The following NMNAT2 variants were observed in gnomAD, a reference collection of about 807,000 sequenced individuals.
NMNAT2 encodes the protein nicotinamide nucleotide adenylyltransferase 2, also known as nicotinamide/nicotinic acid mononucleotide adenylyltransferase 2.
Under a neutral mutation model 41.6 loss-of-function variants are expected in NMNAT2, and 11 were observed. The observed-to-expected ratio is 0.26, with a 90% confidence interval of 0.17 to 0.44. The LOEUF (loss-of-function observed/expected upper bound fraction) is 0.44. Ranked by LOEUF, NMNAT2 falls within the 20% of genes least tolerant of loss-of-function variation. The probability of loss-of-function intolerance (pLI) is 1.00; values close to 1 mark genes in which losing one functional copy is unlikely to be tolerated. For missense variants in NMNAT2, 288 were observed against 407.7 expected, an observed-to-expected ratio of 0.71 and a Z score of 2.53; for synonymous variants, 148 against 151.2, an observed-to-expected ratio of 0.98 and a Z score of 0.16.
chr1:183,349,686 G>T (rs1370552464), intron 1 of NMNAT2, among the ~76,000 whole-genome samples: 1 of 152,236 alleles, frequency 6.6e-6, no homozygotes. Flanking sequence ...GGTGGCCTGG[G>T]CCCAGAAGGT....
intron 1 of NMNAT2, among the ~76,000 whole-genome samples, chr1:183,300,712 T>C (rs1474287278): frequency 6.6e-6 from 1 of 152,270 alleles, no homozygotes; most frequent in Non-Finnish European, 1.5e-5. Context: ...ATGTTCATGA[T>C]AAATTATAGA....
At chr1:183,316,663 G>T (rs1284189267) in intron 1 of NMNAT2, among the ~76,000 whole-genome samples, 2 of 152,182 alleles carry the variant, frequency 1.3e-5, no homozygotes, top group African/African-American at 4.8e-5. Flanking sequence ...CAGGCACTGT[G>T]TCTCATCCAG....
chr1:183,295,417 T>C (rs1156791429), intron 1 of NMNAT2, among the ~76,000 whole-genome samples: 4 of 152,218 alleles, frequency 2.6e-5, no homozygotes, highest in Non-Finnish European at 5.9e-5. Context: ...GACTTCCATA[T>C]ATTCAGACCC....
At chr1:183,282,441 C>T (rs377246378) in intron 7 of NMNAT2, among the ~76,000 whole-genome samples, 7 of 152,366 alleles carry the variant, frequency 4.6e-5, no homozygotes, top group African/African-American at 1.7e-4. Flanking sequence ...CTGGAGGGGA[C>T]TCCTTGAGTC....
chr1:183,359,900 AC>A (rs1294817731), intron 1 of NMNAT2, among the ~76,000 whole-genome samples: 1 of 152,194 alleles, frequency 6.6e-6, no homozygotes, highest in Non-Finnish European at 1.5e-5. Flanking sequence ...ATTTTTTCTC[AC>A]AGCATTTTAG....
intron 1 of NMNAT2, among the ~76,000 whole-genome samples, chr1:183,379,047 A>AATATCTATATCTATATCTATATCT (rs71127348): frequency 4.9e-4 from 69 of 139,842 alleles, no homozygotes; most frequent in African/African-American, 1.3e-3. Context: ...TGTCTCAAAA[A>AATATCTATATCTATATCTATATCT]ATATCTATAT....
In NMNAT2 at chr1:183,383,510, C is replaced by A. The variant is rs548742257; in HGVS notation, c.85+34673G>T. Among the ~76,000 whole-genome samples, 196 of 152,340 alleles carry A rather than the reference C, an allele frequency of 1.3e-3. 8 individuals are homozygous for A. The South Asian group carries it at 0.04, about 31-fold the overall frequency. ...TTTTCTAAACTTTTATGCTTTGCTTCCCTTTTAAACATAAATTCCAGTTTC... is the reference window on the plus strand; with the variant it reads ...TTTTCTAAACTTTTATGCTTTGCTTACCTTTTAAACATAAATTCCAGTTTC... On this transcript the variant is annotated intron_variant, in intron 1 of 10. Coordinates refer to ENST00000287713, the MANE Select transcript of NMNAT2 (RefSeq NM_015039.4).
intron 1 of NMNAT2, among the ~76,000 whole-genome samples, chr1:183,305,992 G>A (rs927411747): frequency 6.6e-6 from 1 of 152,122 alleles, no homozygotes; most frequent in Non-Finnish European, 1.5e-5. Flanking sequence ...AAAGTGCTGG[G>A]ATTATAGGTG....
chr1:183,369,554 G>A (rs539904542), intron 1 of NMNAT2, among the ~76,000 whole-genome samples: 11 of 152,190 alleles, frequency 7.2e-5, no homozygotes, highest in African/African-American at 2.4e-4. Context: ...TGGGATTATG[G>A]TCATGAGCTA....
chr1:183,349,982 C>T (rs1330301035), intron 1 of NMNAT2, among the ~76,000 whole-genome samples: 1 of 152,178 alleles, frequency 6.6e-6, no homozygotes, highest in Non-Finnish European at 1.5e-5. Flanking sequence ...GTCTGAGGCT[C>T]CAGAGTTAGG....
intron 10 of NMNAT2, among the ~76,000 whole-genome samples, chr1:183,253,405 C>G (rs1660442495): frequency 6.6e-6 from 1 of 151,054 alleles, no homozygotes; most frequent in Non-Finnish European, 1.5e-5. Flanking sequence ...TATCCATCAT[C>G]TCACTCAGAT....
chr1:183,283,807 G>A (rs1412213575), intron 7 of NMNAT2, 188 bp downstream of exon 7: 1 of 656,848 alleles, frequency 1.5e-6, no homozygotes, highest in Non-Finnish European at 2.8e-6. Context: ...CTGGAGTCCA[G>A]TTAAGAGATG....
At position 183,295,317 on chromosome 1, in the gene NMNAT2, A is replaced by G. The variant is rs142860814; in HGVS notation, c.86-1524T>C. Among the ~76,000 whole-genome samples the G allele has an allele frequency of 9.9e-4, 150 of 152,060 alleles. No individual in the cohort carries two copies. In the East Asian group the frequency reaches 0.022, roughly 22 times the overall value. Reference sequence around the variant, plus strand: ...GCACTTGGCTGCTTCTTTTTCTTTCAATGTGAAATTTCTTAGATTAAAAAA... The same window carrying G: ...GCACTTGGCTGCTTCTTTTTCTTTCGATGTGAAATTTCTTAGATTAAAAAA... On this transcript the variant is annotated intron_variant, in intron 1 of 10. Transcript: ENST00000287713.
At chr1:183,297,047 C>T (rs4652795) in intron 1 of NMNAT2, among the ~76,000 whole-genome samples, 82,726 of 150,260 alleles carry the variant, frequency 0.55, 24,094 homozygotes, top group Non-Finnish European at 0.64. Context: ...TCTCCCTGTC[C>T]TCCAAATAGT....
intron 8 of NMNAT2, among the ~76,000 whole-genome samples, chr1:183,266,212 G>A (rs1660809917): frequency 1.3e-5 from 2 of 152,178 alleles, no homozygotes; most frequent in Non-Finnish European, 2.9e-5. Context: ...GCAGAACTAG[G>A]AAACTAGTTC....
At chr1:183,288,015 T>G (rs914743210) in intron 4 of NMNAT2, among the ~76,000 whole-genome samples, 4 of 152,168 alleles carry the variant, frequency 2.6e-5, no homozygotes. Flanking sequence ...TTTTCACCTC[T>G]TGGTGGGATT....
At chr1:183,381,744 A>G (rs1303354469) in intron 1 of NMNAT2, among the ~76,000 whole-genome samples, 10 of 152,218 alleles carry the variant, frequency 6.6e-5, no homozygotes. Context: ...ATGATAACTA[A>G]TACCTAAAAT....
At chr1:183,387,342 G>T (rs1019803916) in intron 1 of NMNAT2, among the ~76,000 whole-genome samples, 1 of 151,426 alleles carries the variant, frequency 6.6e-6, no homozygotes, top group African/African-American at 2.4e-5. Context: ...CTAATGGATA[G>T]ATAAGACTAG....
At chr1:183,303,248 GAGA>G (rs1661910283) in intron 1 of NMNAT2, among the ~76,000 whole-genome samples, 1 of 152,314 alleles carries the variant, frequency 6.6e-6, no homozygotes, top group Non-Finnish European at 1.5e-5. Context: ...GAGGCTAGCT[GAGA>G]AGAAGGCAGG....
Sources: gnomAD v4.1 joint callset for allele counts (sites outside exome capture counted in the v4.1 genomes callset) on GRCh38, gnomAD v4.1.1 for gene constraint, MANE v1.5 for transcripts, NCBI Gene and HGNC (gene_info 2026-07-23, HGNC 2026-07-21) for gene names.